HERC2: variants seen among roughly 807,000 people sequenced by gnomAD.
The protein encoded by HERC2 is HECT and RLD domain containing E3 ubiquitin protein ligase 2, also known as E3 ubiquitin-protein ligase HERC2.
HERC2 carries 102 observed loss-of-function variants against 537.7 expected under a neutral mutation model. That is an observed-to-expected ratio of 0.19 (90% CI 0.16 to 0.22). The LOEUF (loss-of-function observed/expected upper bound fraction) is 0.22. Among genes scored for constraint, HERC2 ranks in the 10% least tolerant of loss-of-function variants. The probability of loss-of-function intolerance (pLI) is 1.00; values close to 1 mark genes in which losing one functional copy is unlikely to be tolerated. For synonymous variants in HERC2, 2,224 were observed against 2,466.2 expected, an observed-to-expected ratio of 0.90 and a Z score of 2.91; for missense variants, 4,236 against 6,198.2, an observed-to-expected ratio of 0.68 and a Z score of 10.63.
At chr15:28,193,797 TGA>T (rs1195446350) in intron 52 of HERC2, among the ~76,000 whole-genome samples, 1 of 152,092 alleles carries the variant, frequency 6.6e-6, no homozygotes, top group African/African-American at 2.4e-5. Context: ...TTTAAAGTGG[TGA>T]AAGAAAACAC....
intron 1 of HERC2, among the ~76,000 whole-genome samples, chr15:28,321,670 A>G (rs1193058837): frequency 8.3e-6 from 1 of 119,938 alleles, no homozygotes; most frequent in Non-Finnish European, 1.6e-5. Flanking sequence ...CAAGGTAAGC[A>G]GGGTGTGCCG....
chr15:28,251,101 G>C (rs951217176), intron 20 of HERC2, among the ~76,000 whole-genome samples: 5 of 152,122 alleles, frequency 3.3e-5, no homozygotes, highest in East Asian at 1.9e-4. Context: ...GCCACCTGCC[G>C]AGGACACCAA....
At chr15:28,246,579 C>T (rs562808335) in intron 22 of HERC2, among the ~76,000 whole-genome samples, 163 bp downstream of exon 22, 2 of 150,732 alleles carry the variant, frequency 1.3e-5, no homozygotes, top group African/African-American at 4.9e-5. Flanking sequence ...GCTGGCTTAA[C>T]AACAGAACTG....
rs1181728265 is a variant in HERC2 at position 28,311,389 on chromosome 15, G to A, written c.72+9973C>T. Among the ~76,000 whole-genome samples, 7 of 152,304 alleles carry A rather than the reference G, an allele frequency of 4.6e-5. No individual in the cohort carries two copies. The South Asian group carries it at 8.3e-4, about 18-fold the overall frequency. ...TGAGGTGGGAGGATCACCTGAGCCC[G>A]GGGAGGTTAAGGCTGCAGTGAGCCG... is the stretch of plus-strand genomic sequence containing the variant. On this transcript the variant is annotated intron_variant, in intron 2 of 92. Transcript: ENST00000261609.
At chr15:28,245,562 T>A (rs112809169) in intron 23 of HERC2, among the ~76,000 whole-genome samples, 960 of 62,868 alleles carry the variant, frequency 0.015, 25 homozygotes, top group East Asian at 0.12. Context: ...AAAAAAAAAA[T>A]ATATACACAC....
At chr15:28,253,682 C>T (rs777327998) in intron 20 of HERC2, among the ~76,000 whole-genome samples, 2 of 152,232 alleles carry the variant, frequency 1.3e-5, no homozygotes, top group African/African-American at 4.8e-5. Context: ...ACAATACAGG[C>T]CGGGAACAGT....
intron 35 of HERC2, among the ~76,000 whole-genome samples, chr15:28,224,248 C>T (rs1408790514): frequency 6.6e-6 from 1 of 151,572 alleles, no homozygotes; most frequent in African/African-American, 2.4e-5. Context: ...TTCACTTTGT[C>T]GCCCAGGCTG....
intron 52 of HERC2, among the ~76,000 whole-genome samples, chr15:28,193,203 A>C (rs1897014628): frequency 6.6e-6 from 1 of 152,186 alleles, no homozygotes; most frequent in Non-Finnish European, 1.5e-5. Flanking sequence ...CAGACCCACA[A>C]AGGCTCCATA....
At chr15:28,321,242 C>T (rs1434477835) in intron 2 of HERC2, 120 bp downstream of exon 2, 14 of 641,512 alleles carry the variant, frequency 2.2e-5, no homozygotes, top group Non-Finnish European at 3.6e-5. Flanking sequence ...AATAAACCTG[C>T]TCCTCTAATT....
rs200862998 is a variant in HERC2, at chr15:28,245,566, TACACACACACACACACAC to T, written c.3577+297_3577+314del. On this transcript the variant is annotated intron_variant, in intron 23 of 92. Transcript: ENST00000261609. ...AGTGTCAAAAAAAAAAAAAAATATA[TACACACACACACACACAC>T]ACACACACACACACACACACAGATA... Among the ~76,000 whole-genome samples the T allele has an allele frequency of 6.1e-4, 73 of 119,254 alleles. No homozygotes were observed. The East Asian group carries it at 0.011, about 18-fold the overall frequency. The allele number at this position is 119,254 out of a possible 152,430, so 78.2% of individuals were successfully genotyped here.
chr15:28,198,837 G>A, intron 48 of HERC2, 68 bp from the exon 49 acceptor site: 2 of 1,368,340 alleles, frequency 1.5e-6, no homozygotes, highest in Non-Finnish European at 2.0e-6. Context: ...ATGATAAGTA[G>A]TATTACTCTA....
chr15:28,131,333 G>C (rs1032384393), intron 81 of HERC2, among the ~76,000 whole-genome samples: 1 of 152,020 alleles, frequency 6.6e-6, no homozygotes, highest in African/African-American at 2.4e-5. Context: ...CACTGATGAG[G>C]GTCTGCTCCA....
chr15:28,165,496 C>A (rs1894037714), intron 68 of HERC2, among the ~76,000 whole-genome samples: 1 of 151,974 alleles, frequency 6.6e-6, no homozygotes. Context: ...TATAACAACA[C>A]AAATACTGAT....
intron 53 of HERC2, among the ~76,000 whole-genome samples, 182 bp from the exon 54 acceptor site, chr15:28,191,426 T>C (rs1396087251): frequency 6.6e-6 from 1 of 152,180 alleles, no homozygotes; most frequent in Non-Finnish European, 1.5e-5. Context: ...CTTTGATTGT[T>C]AGAGAAAAGT....
At chr15:28,155,165 T>C (rs541555153) in intron 69 of HERC2, among the ~76,000 whole-genome samples, 4 of 152,240 alleles carry the variant, frequency 2.6e-5, no homozygotes, top group African/African-American at 9.6e-5. Flanking sequence ...CAGTCTATCA[T>C]TGTTGGACAT....
intron 68 of HERC2, among the ~76,000 whole-genome samples, chr15:28,163,779 C>G (rs534936507): frequency 6.6e-6 from 1 of 152,338 alleles, no homozygotes; most frequent in East Asian, 1.9e-4. Context: ...GTCTCTCTCT[C>G]TCCTTGGGTT....
intron 2 of HERC2, among the ~76,000 whole-genome samples, chr15:28,307,244 T>TC: frequency 6.6e-6 from 1 of 152,376 alleles, no homozygotes; most frequent in Middle Eastern, 3.4e-3. Flanking sequence ...GCCTACTTTT[T>TC]CACCTCTGAT....
Position 28,176,365 on chromosome 15 carries a change from C to A in HERC2, c.9686+63G>T. 6.5e-7 allele frequency: 1 copy of A among 1,536,526 alleles called. No individual in the cohort carries two copies. Among genetic ancestry groups the A allele is most frequent in the Non-Finnish European group, 8.9e-7 (1 of 1,117,890 alleles). ...CACGCCGGGTGAGCCTGGGGCGAGG[C>A]CCAGGTTCCCTGCACACACCTGCAC... On this transcript the variant is annotated intron_variant, in intron 63 of 92. Transcript: ENST00000261609. The surrounding 1 kb of genome is among the most constrained non-coding windows in gnomAD (Gnocchi z 5.0).
Position 28,162,743 on chromosome 15 carries a change from T to C in HERC2, c.10746+351A>G, listed in dbSNP as rs62008728. On this transcript the variant is annotated intron_variant, in intron 69 of 92. Coordinates refer to ENST00000261609, the MANE Select transcript of HERC2 (RefSeq NM_004667.6). ...ACTCTACTAAAAATACAAAAAAAAT[T>C]AGCCGGGCATGGTGGTGGGCACCTG... Among the ~76,000 whole-genome samples, 3 of 151,774 alleles carry C rather than the reference T, an allele frequency of 2.0e-5. No homozygotes were observed. The East Asian group carries it at 5.8e-4, about 29-fold the overall frequency.
Sources: allele counts gnomAD v4.1 joint callset (sites outside exome capture counted in the v4.1 genomes callset), GRCh38; gene constraint gnomAD v4.1.1; non-coding constraint Gnocchi (gnomAD v3.1); transcripts MANE v1.5; gene names NCBI Gene and HGNC (gene_info 2026-07-23, HGNC 2026-07-21).